The following GABRR1 variants were observed in gnomAD, a reference collection of about 807,000 sequenced individuals.
GABRR1 encodes the protein gamma-aminobutyric acid type A receptor subunit rho1.
Under a neutral mutation model 55.5 loss-of-function variants are expected in GABRR1, and 59 were observed. That is an observed-to-expected ratio of 1.06 (90% confidence interval 0.86 to 1.32). The LOEUF is 1.32. Ranked by LOEUF, GABRR1 falls within the 40% of genes most tolerant of loss-of-function variation. The pLI is 0.00. For missense variants in GABRR1, 602 were observed against 619.1 expected (o/e 0.97, Z 0.29); for synonymous variants, 213 against 226.0 (o/e 0.94, Z 0.51).
chr6:89,208,479 A>G (rs1772719267), intron 1 of GABRR1, among the ~76,000 whole-genome samples: 1 of 152,226 alleles, frequency 6.6e-6, no homozygotes, highest in Non-Finnish European at 1.5e-5. Context: ...TCTAAATGTT[A>G]CTGTGACGAT....
rs756070165 is a variant in GABRR1, at chr6:89,182,024, A to G, written c.830T>C (p.Leu277Ser). 6.2e-7 allele frequency: 1 copy of G among 1,614,144 alleles called. No homozygotes were observed. The highest frequency in any genetic ancestry group is 8.5e-7 in the Non-Finnish European group (1 of 1,180,016). Residue 277 changes from leucine (L) to serine (S), a missense_variant, in exon 8 of 10, where the codon TTG becomes TCG. Leu to Ser is a moderately radical substitution (Grantham distance 145). Around this residue, in one of 3 missense-constraint regions of GABRR1, gnomAD observed 435 missense variants for 424.2 expected, o/e 1.03. Coordinates refer to ENST00000454853, the MANE Select transcript of GABRR1 (RefSeq NM_002042.5). Reference protein sequence around the residue: ...WYNRLYINFTLRRHIFFFLLQ... With the variant: ...WYNRLYINFTSRRHIFFFLLQ... Reference sequence around the variant, plus strand: ...CAAGAAGAAGAAGATGTGGCGACGCAACGTGAAATTAATGTAGAGACGGTT... The same window carrying G: ...CAAGAAGAAGAAGATGTGGCGACGCGACGTGAAATTAATGTAGAGACGGTT...
chr6:89,182,745 C>G (rs1017785799), intron 7 of GABRR1, among the ~76,000 whole-genome samples: 2 of 151,876 alleles, frequency 1.3e-5, no homozygotes, highest in Non-Finnish European at 2.9e-5. Context: ...GGCGCGGTGG[C>G]TCATGCCTGT....
chr6:89,185,158 A>G, intron 7 of GABRR1, 152 bp downstream of exon 7: 2 of 963,884 alleles, frequency 2.1e-6, no homozygotes, highest in Non-Finnish European at 3.1e-6. Flanking sequence ...GTGCTGGGAC[A>G]TGAGCCACTG....
intron 7 of GABRR1, among the ~76,000 whole-genome samples, chr6:89,184,101 G>A (rs1771816474): frequency 2.0e-5 from 3 of 152,016 alleles, no homozygotes; most frequent in Non-Finnish European, 4.4e-5. Flanking sequence ...TTAGCCAGCC[G>A]TGGTGGTGGG....
At chr6:89,206,239 T>C (rs1195776801) in intron 1 of GABRR1, among the ~76,000 whole-genome samples, 1 of 55,536 alleles carries the variant, frequency 1.8e-5, no homozygotes, top group East Asian at 2.2e-4. Flanking sequence ...ATCACAATTA[T>C]GTCACTTCTC....
At chr6:89,180,048 G>T (rs560410305) in intron 9 of GABRR1, among the ~76,000 whole-genome samples, 1 of 151,208 alleles carries the variant, frequency 6.6e-6, no homozygotes, top group South Asian at 2.1e-4. Flanking sequence ...ACTTAACTAA[G>T]ACCTGGTCCA....
upstream of GABRR1, among the ~76,000 whole-genome samples, chr6:89,220,102 G>A (rs1192120204): frequency 6.6e-6 from 1 of 152,158 alleles, no homozygotes; most frequent in Non-Finnish European, 1.5e-5. Context: ...AAAATGAACA[G>A]GACAATAAGG....
At chr6:89,199,077 C>T (rs1452068203) in intron 4 of GABRR1, among the ~76,000 whole-genome samples, 1 of 152,162 alleles carries the variant, frequency 6.6e-6, no homozygotes, top group Non-Finnish European at 1.5e-5. Context: ...CAGCTGCAAA[C>T]TTGGGCCCTG....
intron 1 of GABRR1, among the ~76,000 whole-genome samples, chr6:89,223,903 A>G (rs1302116304): frequency 1.3e-5 from 2 of 151,778 alleles, no homozygotes; most frequent in African/African-American, 4.8e-5. Context: ...AGCTGGGACT[A>G]CAGGCATATG....
chr6:89,208,193 C>T (rs1772711349), intron 1 of GABRR1, among the ~76,000 whole-genome samples: 1 of 152,196 alleles, frequency 6.6e-6, no homozygotes, highest in Non-Finnish European at 1.5e-5. Context: ...GTGTGTTTAA[C>T]TTTCATTAAT....
chr6:89,179,509 T>A lies in GABRR1; in HGVS notation c.1147-446A>T, dbSNP rs753032328. Among the ~76,000 whole-genome samples the A allele has an allele frequency of 2.0e-5, 3 of 152,304 alleles. No homozygotes were observed. The East Asian group carries it at 5.8e-4, about 29-fold the overall frequency. ...TGCTGGGATTACAGGCGTGAGCCAC[T>A]GTGCCCAGCCTGGTATCCATTTTTG... On this transcript the variant is annotated intron_variant, in intron 9 of 9. Coordinates refer to ENST00000454853, the MANE Select transcript of GABRR1 (RefSeq NM_002042.5).
At chr6:89,230,961 C>T (rs1259015932) in intron 1 of GABRR1, among the ~76,000 whole-genome samples, 2 of 151,994 alleles carry the variant, frequency 1.3e-5, no homozygotes, top group African/African-American at 2.4e-5. Flanking sequence ...GATATAGTCT[C>T]GTGGTGCGCC....
At position 89,217,181 on chromosome 6, in the gene GABRR1, A is replaced by G. The variant is rs573992444; in HGVS notation, c.122+20T>C. On this transcript the variant is annotated intron_variant, in intron 1 of 9. Transcript: ENST00000454853. ...TGCATCCTCTTTTCCTAAATCCTCT[A>G]TCCCTAAATGTCCACTCACCTGCCT... 1.9e-6 allele frequency: 3 copies of G among 1,612,974 alleles called. No homozygotes were observed. The highest frequency in any genetic ancestry group is 3.3e-5 in the Admixed American group (2 of 59,864).
intron 1 of GABRR1, among the ~76,000 whole-genome samples, chr6:89,213,481 C>A (rs929902831): frequency 6.6e-6 from 1 of 152,206 alleles, no homozygotes; most frequent in Non-Finnish European, 1.5e-5. Context: ...CCATTTGATC[C>A]AGAACACTTC....
chr6:89,194,482 T>C (rs1333924622), intron 5 of GABRR1, among the ~76,000 whole-genome samples: 7 of 152,144 alleles, frequency 4.6e-5, no homozygotes, highest in East Asian at 3.9e-4. Context: ...TGCAAAGACA[T>C]AGATGTATAC....
intron 5 of GABRR1, among the ~76,000 whole-genome samples, chr6:89,191,522 T>C (rs775714701): frequency 2.0e-5 from 3 of 152,204 alleles, no homozygotes; most frequent in Non-Finnish European, 2.9e-5. Context: ...TGTTAGTTGG[T>C]ATAGGAACAG....
chr6:89,226,075 G>A (rs1773195859), intron 1 of GABRR1, among the ~76,000 whole-genome samples: 1 of 152,066 alleles, frequency 6.6e-6, no homozygotes, highest in Admixed American at 6.5e-5. Flanking sequence ...TTTGAGAAGT[G>A]TCTGTTCATG....
At chr6:89,204,682 T>C in intron 1 of GABRR1, 1 of 1,287,706 alleles carries the variant, frequency 7.8e-7, no homozygotes, top group Non-Finnish European at 1.0e-6. Flanking sequence ...TTTGCCTTCA[T>C]GAAGCCTCGA....
At position 89,182,048 on chromosome 6, in the gene GABRR1, T is replaced by C; in HGVS notation, c.806A>G (p.Asn269Ser). ...CAACGTGAAATTAATGTAGAGACGG[T>C]TGTACCAGCCTGGGGGACACAGGAA... ...LAFYSSTGWY[N>S]RLYINFTLRR... Residue 269 changes from asparagine (N) to serine (S), a missense_variant, in exon 8 of 10, where the codon AAC becomes AGC. Around this residue, in one of 3 missense-constraint regions of GABRR1, gnomAD observed 435 missense variants for 424.2 expected, o/e 1.03. Transcript: ENST00000454853. The C allele has an allele frequency of 1.9e-6, 3 of 1,613,958 alleles. No homozygotes were observed. Among genetic ancestry groups the C allele is most frequent in the East Asian group, 4.5e-5 (2 of 44,872 alleles).
Sources: gnomAD v4.1 joint callset for allele counts (sites outside exome capture counted in the v4.1 genomes callset) on GRCh38, gnomAD v4.1.1 for gene constraint, gnomAD v4.1.1 regional missense constraint, MANE v1.5 for transcripts, NCBI Gene and HGNC (gene_info 2026-07-23, HGNC 2026-07-21) for gene names.